DMD: variants seen among roughly 807,000 people sequenced by gnomAD.
DMD encodes the protein mutant dystrophin.
DMD carries 63 observed loss-of-function variants against 330.1 expected under a neutral mutation model. That is an observed-to-expected ratio of 0.19 (90% confidence interval 0.16 to 0.24). DMD has a LOEUF of 0.24. Ranked by LOEUF, DMD falls within the 10% of genes least tolerant of loss-of-function variation. The pLI is 1.00. For missense variants in DMD, 3,344 were observed against 2,684.1 expected (o/e 1.25, Z -5.43); for synonymous variants, 1,223 against 959.8 (o/e 1.27, Z -5.07).
intron 64 of DMD, among the ~76,000 whole-genome samples, chrX:31,217,193 A>C (rs1256025152): frequency 8.9e-6 from 1 of 112,078 alleles, no homozygotes; most frequent in Non-Finnish European, 1.9e-5. Context: ...CAGCTATATG[A>C]AACAGTTTAT....
At chrX:31,686,522 G>A (rs5927031) in intron 52 of DMD, among the ~76,000 whole-genome samples, 16,223 of 111,543 alleles carry the variant, frequency 0.15, 1,025 homozygotes, top group East Asian at 0.24. Context: ...TAATGCCTTT[G>A]TATCAACCAC....
At chrX:31,424,424 G>A (rs1295352303) in intron 60 of DMD, among the ~76,000 whole-genome samples, 1 of 111,572 alleles carries the variant, frequency 9.0e-6, no homozygotes, top group Non-Finnish European at 1.9e-5. Flanking sequence ...CCTAACCATA[G>A]TTTAATGATT....
intron 2 of DMD, among the ~76,000 whole-genome samples, chrX:32,918,577 C>T (rs1335412362): frequency 8.9e-6 from 1 of 111,851 alleles, no homozygotes; most frequent in Non-Finnish European, 1.9e-5. Flanking sequence ...TCTCGAACTC[C>T]TGGGCTCAAG....
intron 66 of DMD, among the ~76,000 whole-genome samples, chrX:31,206,113 T>C (rs761603113): frequency 1.8e-4 from 20 of 112,644 alleles, no homozygotes; most frequent in Non-Finnish European, 3.2e-4. Context: ...AATAATAAAA[T>C]GTTAGTCACG....
intron 7 of DMD, among the ~76,000 whole-genome samples, chrX:32,799,563 G>A (rs1037744645): frequency 9.2e-6 from 1 of 108,717 alleles, no homozygotes; most frequent in Non-Finnish European, 1.9e-5. Context: ...ACAGGGGAAA[G>A]CTGACAAAGC....
chrX:31,733,540 A>G (rs1188967039), intron 51 of DMD, among the ~76,000 whole-genome samples: 1 of 111,985 alleles, frequency 8.9e-6, no homozygotes, highest in Admixed American at 9.5e-5. Flanking sequence ...AAATGTAACA[A>G]TGTAGAACTG....
rs141091464 is a variant in DMD at position 31,172,680 on chromosome X, T to C, written c.10329-267A>G. ...CCCTACAGATCAGTCTTGCTTTCAC[T>C]GAGAACAGGTCTTTGTTTTCAGAAG... On this transcript the variant is annotated intron_variant, in intron 72 of 78. Coordinates refer to ENST00000357033, the MANE Select transcript of DMD (RefSeq NM_004006.3). Among the ~76,000 whole-genome samples, 1,090 of 111,862 alleles carry C rather than the reference T, an allele frequency of 9.7e-3. 20 individuals are homozygous for C. The highest frequency in any genetic ancestry group is 0.033 in the African/African-American group (1,027 of 30,894).
chrX:31,930,983 T>C (rs2149996030), intron 46 of DMD, among the ~76,000 whole-genome samples: 1 of 112,313 alleles, frequency 8.9e-6, no homozygotes, highest in African/African-American at 3.2e-5. Flanking sequence ...GTTTATTGAA[T>C]TACGCCATAT....
At chrX:33,234,868 G>T (rs914360110) in intron 1 of DMD, among the ~76,000 whole-genome samples, 1 of 111,243 alleles carries the variant, frequency 9.0e-6, no homozygotes, top group Non-Finnish European at 1.9e-5. Context: ...TGATTCTTTC[G>T]CCCAGGCCAC....
chrX:32,862,483 T>A (rs1421992741), intron 2 of DMD, among the ~76,000 whole-genome samples: 1 of 112,045 alleles, frequency 8.9e-6, no homozygotes, highest in Non-Finnish European at 1.9e-5. Flanking sequence ...GGTCTATCCT[T>A]AACATGTTTT....
chrX:31,970,463 C>T (rs1449604707), intron 44 of DMD, among the ~76,000 whole-genome samples: 2 of 104,669 alleles, frequency 1.9e-5, no homozygotes, highest in African/African-American at 7.7e-5. Context: ...ATACTACATA[C>T]AGTAGGATAA....
chrX:32,570,101 T>A (rs2052231013), intron 15 of DMD, among the ~76,000 whole-genome samples: 1 of 111,325 alleles, frequency 9.0e-6, no homozygotes, highest in African/African-American at 3.3e-5. Flanking sequence ...ACCTCCCACC[T>A]CAATGGCAAG....
chrX:31,274,397 G>T (rs2051922071), intron 62 of DMD, among the ~76,000 whole-genome samples: 1 of 112,114 alleles, frequency 8.9e-6, no homozygotes, highest in Admixed American at 9.5e-5. Context: ...TAGTCAGAGA[G>T]CAAGTGAATA....
intron 52 of DMD, among the ~76,000 whole-genome samples, chrX:31,689,250 T>C (rs2082930401): frequency 8.9e-6 from 1 of 112,546 alleles, no homozygotes; most frequent in South Asian, 3.6e-4. Context: ...CTCCTTAAGC[T>C]GATAAGCAAC....
At chrX:32,407,003 A>T (rs1249096537) in intron 30 of DMD, among the ~76,000 whole-genome samples, 2 of 111,833 alleles carry the variant, frequency 1.8e-5, no homozygotes, top group African/African-American at 6.5e-5. Flanking sequence ...TACATGTTAG[A>T]CTTAAAACCA....
chrX:31,568,801 T>C (rs1275743026), intron 55 of DMD, among the ~76,000 whole-genome samples: 1 of 111,275 alleles, frequency 9.0e-6, no homozygotes, highest in Non-Finnish European at 1.9e-5. Context: ...CCTTATTTGG[T>C]TTCTGTTTGT....
chrX:33,024,216 G>T (rs749774606), intron 1 of DMD, among the ~76,000 whole-genome samples: 1 of 111,900 alleles, frequency 8.9e-6, no homozygotes, highest in Non-Finnish European at 1.9e-5. Context: ...AATGAGAAAA[G>T]AATAAAGTGA....
intron 44 of DMD, chrX:32,205,802 T>C: frequency 2.1e-5 from 4 of 192,545 alleles, no homozygotes; most frequent in Non-Finnish European, 2.9e-5. Flanking sequence ...GTAATCTCCC[T>C]GGTGTGATTC....
chrX:31,226,020 A>G (rs2046547479), intron 63 of DMD, among the ~76,000 whole-genome samples: 1 of 112,193 alleles, frequency 8.9e-6, no homozygotes, highest in African/African-American at 3.2e-5. Context: ...ACATCTAACC[A>G]TGAATGACTA....
Sources: gnomAD v4.1 joint callset for allele counts (sites outside exome capture counted in the v4.1 genomes callset) on GRCh38, gnomAD v4.1.1 for gene constraint, MANE v1.5 for transcripts, NCBI Gene and HGNC (gene_info 2026-07-23, HGNC 2026-07-21) for gene names.